Variants in MAP3K5 observed in about 807,000 individuals in gnomAD.
MAP3K5 encodes the protein ASK-1.
Under a neutral mutation model 158.7 loss-of-function variants are expected in MAP3K5, and 56 were observed. The ratio of observed to expected loss-of-function variants is 0.35; its 90% CI spans 0.28 to 0.44. MAP3K5 has a LOEUF of 0.44. MAP3K5 is among the 20% of genes least tolerant of loss of function. The pLI is 1.00. For synonymous variants in MAP3K5, 579 were observed against 601.7 expected (o/e 0.96, Z 0.55); for missense variants, 1,294 against 1,674.8 (o/e 0.77, Z 3.97).
At chr6:136,653,268 C>A (rs1254058119) in intron 10 of MAP3K5, among the ~76,000 whole-genome samples, 2 of 152,298 alleles carry the variant, frequency 1.3e-5, no homozygotes, top group East Asian at 3.9e-4. Context: ...CCATTCAAAT[C>A]ATTTCCCAAA....
intron 3 of MAP3K5, 102 bp from the exon 4 acceptor site, chr6:136,698,784 G>T: frequency 1.3e-6 from 1 of 777,870 alleles, no homozygotes; most frequent in South Asian, 2.0e-5. Context: ...AAATGCAAAG[G>T]GAAATAGAAA....
intron 15 of MAP3K5, among the ~76,000 whole-genome samples, chr6:136,620,327 A>C (rs1276369896): frequency 6.6e-6 from 1 of 152,196 alleles, no homozygotes; most frequent in East Asian, 1.9e-4. Context: ...CATACTCACT[A>C]CCTAGGTATA....
intron 14 of MAP3K5, chr6:136,629,254 C>T (rs1293437112): frequency 6.6e-6 from 1 of 152,146 alleles, no homozygotes; most frequent in Admixed American, 6.5e-5. Flanking sequence ...CATGCACTTT[C>T]GGCGGGGGCT....
chr6:136,557,801 G>A lies in MAP3K5; in HGVS notation c.4082C>T (p.Thr1361Ile). ...CLRLRGGMLC[T>I]LWKAIIDFRN... is the part of the protein sequence containing the mutation. ...AAAGTCAATGATAGCCTTCCACAGTGTGCACAGCATCCCTCCCCTGTTTAA... is the reference window on the plus strand; with the variant it reads ...AAAGTCAATGATAGCCTTCCACAGTATGCACAGCATCCCTCCCCTGTTTAA... Residue 1361 changes from threonine (T) to isoleucine (I), a missense_variant, in exon 30 of 30, where the codon ACA becomes ATA. This residue lies in a region of MAP3K5 where 199 missense variants were observed against 220.3 expected (regional missense o/e 0.90). Coordinates refer to ENST00000359015, the MANE Select transcript of MAP3K5 (RefSeq NM_005923.4). The A allele has an allele frequency of 6.2e-7, 1 of 1,611,078 alleles. No individual in the cohort carries two copies. Among genetic ancestry groups the A allele is most frequent in the South Asian group, 1.1e-5 (1 of 91,008 alleles).
At chr6:136,768,383 C>A (rs911269026) in intron 1 of MAP3K5, among the ~76,000 whole-genome samples, 1 of 152,044 alleles carries the variant, frequency 6.6e-6, no homozygotes, top group Non-Finnish European at 1.5e-5. Context: ...TAAAAATAAG[C>A]AAAGAATCTG....
chr6:136,680,709 C>T (rs1779896425), intron 7 of MAP3K5, among the ~76,000 whole-genome samples: 1 of 152,136 alleles, frequency 6.6e-6, no homozygotes, highest in Non-Finnish European at 1.5e-5. Flanking sequence ...TCATCTTTGC[C>T]AATTGATTAC....
chr6:136,583,556 G>C lies in MAP3K5; in HGVS notation c.3410C>G (p.Ala1137Gly). ...ACACTGGCAAAATATCATACTTACA[G>C]CATCTTGAAAACCAAAGAGTACCAC... Reference protein sequence around the residue: ...VQVVLFGFQDAVNKVLRNHNI... With the variant: ...VQVVLFGFQDGVNKVLRNHNI... The change falls in exon 24 of 30, where the codon GCT becomes GGT. Residue 1137 changes from alanine (A) to glycine (G), a missense_variant and splice_region_variant. Physicochemically the swap from Ala to Gly is moderately conservative, Grantham distance 60. Coordinates refer to ENST00000359015, the MANE Select transcript of MAP3K5 (RefSeq NM_005923.4). The C allele has an allele frequency of 6.2e-7, 1 of 1,611,628 alleles. No homozygotes were observed.
At chr6:136,683,303 A>G (rs1780011581) in intron 7 of MAP3K5, among the ~76,000 whole-genome samples, 2 of 152,230 alleles carry the variant, frequency 1.3e-5, no homozygotes, top group Admixed American at 1.3e-4. Flanking sequence ...AGTTTTTACA[A>G]GCATGTTTTC....
At position 136,792,168 on chromosome 6, in the gene MAP3K5, C is replaced by T. The variant is rs1348118450; in HGVS notation, c.-11G>A. Reference sequence around the variant, plus strand: ...CGCCTCCGTGCTCATCTCTCCGGGCCGGGCAGCAACGGCGGCGGCGTCCCC... The same window carrying T: ...CGCCTCCGTGCTCATCTCTCCGGGCTGGGCAGCAACGGCGGCGGCGTCCCC... On this transcript the variant is annotated 5_prime_UTR_variant, in exon 1 of 30. Coordinates refer to ENST00000359015, the MANE Select transcript of MAP3K5 (RefSeq NM_005923.4). The surrounding 1 kb of genome is among the most constrained non-coding windows in gnomAD (Gnocchi z 5.7). 1.9e-6 allele frequency: 3 copies of T among 1,538,766 alleles called. No individual in the cohort carries two copies. The highest frequency in any genetic ancestry group is 2.6e-6 in the Non-Finnish European group (3 of 1,146,052).
chr6:136,712,669 T>C (rs1474892254), intron 2 of MAP3K5, among the ~76,000 whole-genome samples: 2 of 152,242 alleles, frequency 1.3e-5, no homozygotes, highest in Non-Finnish European at 2.9e-5. Flanking sequence ...CACATTGATA[T>C]GGTTTGGCTG....
intron 3 of MAP3K5, among the ~76,000 whole-genome samples, chr6:136,702,438 G>A (rs1418793186): frequency 6.6e-6 from 1 of 152,146 alleles, no homozygotes; most frequent in Non-Finnish European, 1.5e-5. Flanking sequence ...TATTTTCTGT[G>A]TGCAGATTGC....
intron 19 of MAP3K5, among the ~76,000 whole-genome samples, chr6:136,603,507 AGAT>A (rs1775972979): frequency 6.6e-6 from 1 of 151,954 alleles, no homozygotes. Flanking sequence ...CTTATTTTAT[AGAT>A]GAGGAAACTG....
intron 10 of MAP3K5, chr6:136,656,087 T>C: frequency 2.0e-6 from 1 of 493,456 alleles, no homozygotes; most frequent in Non-Finnish European, 3.7e-6. Context: ...ACCACCCAAA[T>C]TCCATGGCAA....
intron 26 of MAP3K5, among the ~76,000 whole-genome samples, chr6:136,563,892 T>TACTC (rs1277241625): frequency 6.6e-6 from 1 of 152,222 alleles, no homozygotes; most frequent in East Asian, 1.9e-4. Flanking sequence ...TGAGTATTGA[T>TACTC]AGATTTAACT....
chr6:136,718,799 CCAGATACTAG>C (rs1330051670), intron 2 of MAP3K5, among the ~76,000 whole-genome samples: 1 of 152,084 alleles, frequency 6.6e-6, no homozygotes, highest in Non-Finnish European at 1.5e-5. Context: ...AATTAAACCA[CCAGATACTAG>C]CAGGAGCAAG....
In MAP3K5 at chr6:136,651,043, T is replaced by C. The variant is rs767696431; in HGVS notation, c.1729A>G (p.Ile577Val). The change falls in exon 11 of 30, where the codon ATC becomes GTC. Residue 577 changes from isoleucine to valine, a missense_variant. Ile to Val is a conservative substitution (Grantham distance 29). This residue lies in a region of MAP3K5 where 690 missense variants were observed against 870.5 expected (regional missense o/e 0.79). Transcript: ENST00000359015. ...TKIYQPSYLS[I>V]NNEVEEKTIS... is the part of the protein sequence containing the mutation. ...GTCTTTTCCTCAACTTCATTGTTGA[T>C]AGACAAATAAGAAGGTTGATAGATT... 1.1e-5 allele frequency: 17 copies of C among 1,611,640 alleles called. No individual in the cohort carries two copies. The highest frequency in any genetic ancestry group is 8.3e-5 in the Admixed American group (5 of 59,902).
intron 1 of MAP3K5, among the ~76,000 whole-genome samples, chr6:136,773,965 T>A (rs1378297640): frequency 6.6e-6 from 1 of 152,150 alleles, no homozygotes; most frequent in African/African-American, 2.4e-5. Flanking sequence ...CCGCCGTCCA[T>A]CTTTAAATGC....
Position 136,558,296 on chromosome 6 carries a change from G to A in MAP3K5, c.4065-478C>T, listed in dbSNP as rs942217146. 4.6e-5 allele frequency among the ~76,000 whole-genome samples: 7 copies of A among 151,826 alleles called. No individual in the cohort carries two copies. The East Asian group carries it at 7.8e-4, about 17-fold the overall frequency. ...TGGGAGGCTGAGGCAGGAGAACGGC[G>A]TGAACCTGGGAGGCGGAGCTTGCAG... On this transcript the variant is annotated intron_variant, in intron 29 of 29. Coordinates refer to ENST00000359015, the MANE Select transcript of MAP3K5 (RefSeq NM_005923.4).
intron 8 of MAP3K5, among the ~76,000 whole-genome samples, chr6:136,664,659 G>A (rs1779150100): frequency 6.6e-6 from 1 of 152,200 alleles, no homozygotes. Flanking sequence ...TATTTCACAA[G>A]AGTTGCTGTA....
Sources: gnomAD v4.1 joint callset for allele counts (sites outside exome capture counted in the v4.1 genomes callset) on GRCh38, gnomAD v4.1.1 for gene constraint, gnomAD v4.1.1 regional missense constraint, Gnocchi (gnomAD v3.1) non-coding constraint, MANE v1.5 for transcripts, NCBI Gene and HGNC (gene_info 2026-07-23, HGNC 2026-07-21) for gene names.